Variants in HEMK2 observed in about 807,000 individuals in gnomAD.
The protein encoded by HEMK2 is methyltransferase HEMK2.
the HEMK2 span, among the ~76,000 whole-genome samples, chr21:28,800,173 C>T: frequency 6.2e-4 from 94 of 152,296 alleles, no homozygotes; most frequent in Middle Eastern, 3.4e-3. Flanking sequence ...ACTGAGTTAT[C>T]TGTCTCTTGC....
the HEMK2 span, among the ~76,000 whole-genome samples, chr21:28,739,249 A>G: frequency 2.0e-5 from 3 of 152,226 alleles, no homozygotes; most frequent in Admixed American, 1.3e-4. Flanking sequence ...GGCACAGATC[A>G]AGAACACAGG....
At chr21:28,795,436 G>T in the HEMK2 span, among the ~76,000 whole-genome samples, 1 of 152,176 alleles carries the variant, frequency 6.6e-6, no homozygotes, top group African/African-American at 2.4e-5. Flanking sequence ...CATTGGTCAA[G>T]TGTCTCCCCT....
chr21:28,755,585 T>C, the HEMK2 span, among the ~76,000 whole-genome samples: 1,116 of 152,298 alleles, frequency 7.3e-3, 13 homozygotes, highest in African/African-American at 0.025. Flanking sequence ...CACCTTTATG[T>C]TTACCTGTAA....
the HEMK2 span, among the ~76,000 whole-genome samples, chr21:28,831,640 AAAGAAAGAAAG>A: frequency 4.1e-5 from 1 of 24,632 alleles, no homozygotes; most frequent in Admixed American, 4.8e-4. Flanking sequence ...GGAAGGAAAG[AAAGAAAGAAAG>A]AAAGAAAGAA....
chr21:28,755,663 A>G, the HEMK2 span, among the ~76,000 whole-genome samples: 114 of 151,924 alleles, frequency 7.5e-4, 1 homozygote, highest in Admixed American at 5.2e-4. Context: ...TGACACTACC[A>G]GATAGAGCCA....
the HEMK2 span, among the ~76,000 whole-genome samples, chr21:28,662,136 G>T: frequency 6.6e-6 from 1 of 152,120 alleles, no homozygotes; most frequent in African/African-American, 2.4e-5. Flanking sequence ...AGAAGCTTGG[G>T]GAAGAGGCCC....
At chr21:28,746,747 T>C in the HEMK2 span, among the ~76,000 whole-genome samples, 11 of 150,960 alleles carry the variant, frequency 7.3e-5, no homozygotes, top group Admixed American at 7.3e-4. Flanking sequence ...GCAAAAACTT[T>C]GAGAAGGGAA....
the HEMK2 span, among the ~76,000 whole-genome samples, chr21:28,771,537 T>G: frequency 1.0e-5 from 1 of 99,496 alleles, no homozygotes; most frequent in Admixed American, 1.2e-4. Flanking sequence ...CGCCAAAGAA[T>G]TGCCTACTCC....
the HEMK2 span, among the ~76,000 whole-genome samples, chr21:28,756,608 G>A: frequency 6.6e-6 from 1 of 152,142 alleles, no homozygotes. Context: ...ACAATTTACA[G>A]AGAAGACAAG....
At chr21:28,739,752 G>A in the HEMK2 span, among the ~76,000 whole-genome samples, 22 of 152,094 alleles carry the variant, frequency 1.4e-4, no homozygotes, top group African/African-American at 4.1e-4. Flanking sequence ...GTTTTTCAGC[G>A]ACAGTAGCCA....
chr21:28,639,974 A>G, the HEMK2 span, among the ~76,000 whole-genome samples: 1 of 152,156 alleles, frequency 6.6e-6, no homozygotes, highest in Non-Finnish European at 1.5e-5. Context: ...TTGGAGGGAG[A>G]GAAAGAAAGG....
At chr21:28,607,526 C>T in the HEMK2 span, among the ~76,000 whole-genome samples, 18 of 152,186 alleles carry the variant, frequency 1.2e-4, no homozygotes, top group Admixed American at 2.6e-4. Context: ...TTCTGACATC[C>T]AAGATTAGGT....
At chr21:28,669,143 G>A in the HEMK2 span, among the ~76,000 whole-genome samples, 2 of 152,178 alleles carry the variant, frequency 1.3e-5, no homozygotes, top group South Asian at 2.1e-4. Flanking sequence ...CCAATCACTT[G>A]AGGTCAGGAG....
chr21:28,706,405 G>A, the HEMK2 span, among the ~76,000 whole-genome samples: 2 of 152,114 alleles, frequency 1.3e-5, no homozygotes, highest in African/African-American at 2.4e-5. Context: ...TCAATCAAAT[G>A]TCATTCATGT....
the HEMK2 span, among the ~76,000 whole-genome samples, chr21:28,689,839 G>A: frequency 1.3e-5 from 2 of 152,022 alleles, no homozygotes; most frequent in Admixed American, 6.5e-5. Flanking sequence ...GATTCAAAAC[G>A]AAAAAGGGAC....
chr21:28,665,358 A>AATTTTTTTTTTTTTTTTTTTTTTTTTTTT, the HEMK2 span, among the ~76,000 whole-genome samples: 1 of 29,740 alleles, frequency 3.4e-5, no homozygotes, highest in Non-Finnish European at 5.8e-5. Flanking sequence ...TTTTTTTTTT[A>AATTTTTTTTTTTTTTTTTTTTTTTTTTTT]CTTTTTAATT....
At chr21:28,664,092 A>C in the HEMK2 span, among the ~76,000 whole-genome samples, 1 of 152,222 alleles carries the variant, frequency 6.6e-6, no homozygotes, top group East Asian at 1.9e-4. Context: ...GTAGACATTA[A>C]AACTGGAATT....
the HEMK2 span, among the ~76,000 whole-genome samples, chr21:28,783,586 G>A: frequency 4.9e-4 from 75 of 152,356 alleles, no homozygotes; most frequent in African/African-American, 1.6e-3. Context: ...ATCGTATTGA[G>A]AGGTGACAGT....
At chr21:28,728,182 A>T in the HEMK2 span, among the ~76,000 whole-genome samples, 1 of 152,238 alleles carries the variant, frequency 6.6e-6, no homozygotes, top group Admixed American at 6.5e-5. Flanking sequence ...TAATAAAATG[A>T]CATGCCTTTA....
Sources: gnomAD v4.1 joint callset for allele counts (sites outside exome capture counted in the v4.1 genomes callset) on GRCh38, gnomAD v4.1.1 for gene constraint, MANE v1.5 for transcripts, NCBI Gene and HGNC (gene_info 2026-07-23, HGNC 2026-07-21) for gene names.